The following TRMT44 variants were observed in gnomAD, a reference collection of about 807,000 sequenced individuals.
TRMT44 encodes tRNA methyltransferase 44 homolog.
Under a neutral mutation model 77.3 loss-of-function variants are expected in TRMT44, and 78 were observed. The observed-to-expected ratio is 1.01, with a 90% confidence interval of 0.84 to 1.22. The LOEUF (loss-of-function observed/expected upper bound fraction) is 1.22, where lower values mean the gene tolerates loss of function less well. Ranked by LOEUF, TRMT44 falls within the 50% of genes most tolerant of loss-of-function variation. The pLI, the probability that TRMT44 is intolerant of heterozygous loss-of-function variation, is 0.00. For synonymous variants in TRMT44, 391 were observed against 383.3 expected, an observed-to-expected ratio of 1.02 and a Z score of -0.23; for missense variants, 1,090 against 964.4, an observed-to-expected ratio of 1.13 and a Z score of -1.73.
chr4:8,459,978 G>C (rs1726048212), intron 6 of TRMT44, among the ~76,000 whole-genome samples: 1 of 152,164 alleles, frequency 6.6e-6, no homozygotes, highest in South Asian at 2.1e-4. Context: ...CAGACATCAA[G>C]ACACCCGGGG....
At chr4:8,490,440 G>A (rs796154072) in intron 2 of TRMT44, among the ~76,000 whole-genome samples, 40 of 152,050 alleles carry the variant, frequency 2.6e-4, no homozygotes, top group Non-Finnish European at 4.1e-4. Context: ...GACCTTCGCC[G>A]TGAGTGTTAC....
intron 2 of TRMT44, among the ~76,000 whole-genome samples, chr4:8,486,795 A>T (rs984409710): frequency 6.6e-5 from 10 of 152,192 alleles, no homozygotes; most frequent in African/African-American, 2.4e-4. Context: ...ACGGAATGAA[A>T]CTGTAAACCG....
chr4:8,455,061 GT>G, intron 6 of TRMT44: 1 of 551,068 alleles, frequency 1.8e-6, no homozygotes. Context: ...CCCTGAGTTT[GT>G]TGGTGCCGTT....
chr4:8,509,631 G>C, the TRMT44 span: 1 of 152,870 alleles, frequency 6.5e-6, no homozygotes, highest in Non-Finnish European at 1.5e-5. Context: ...CGCAGATGAG[G>C]AAACTGAGGC....
At chr4:8,454,394 A>C (rs1264800696) in intron 5 of TRMT44, 1 of 248,506 alleles carries the variant, frequency 4.0e-6, no homozygotes, top group African/African-American at 2.2e-5. Flanking sequence ...CACTTGAAAA[A>C]GGGCACTGTA....
At chr4:8,516,896 G>A in the TRMT44 span, among the ~76,000 whole-genome samples, 2 of 152,198 alleles carry the variant, frequency 1.3e-5, no homozygotes, top group African/African-American at 2.4e-5. Context: ...AATGATGTAC[G>A]GTTGTAACAA....
the TRMT44 span, among the ~76,000 whole-genome samples, chr4:8,513,822 C>A: frequency 1.3e-5 from 2 of 152,190 alleles, no homozygotes; most frequent in Non-Finnish European, 2.9e-5. Context: ...AGGATTGAGA[C>A]CACAATGCCA....
At chr4:8,486,720 C>T (rs1211331340) in intron 2 of TRMT44, among the ~76,000 whole-genome samples, 1 of 152,084 alleles carries the variant, frequency 6.6e-6, no homozygotes, top group Admixed American at 6.5e-5. Flanking sequence ...TTAACCTTGA[C>T]TATGCCTTTA....
chr4:8,498,842 G>T, the TRMT44 span, among the ~76,000 whole-genome samples: 3 of 152,284 alleles, frequency 2.0e-5, no homozygotes, highest in South Asian at 6.2e-4. This position sits in a 1 kb window ranked among gnomAD's most constrained non-coding sequence, Gnocchi z 4.3. Flanking sequence ...GGGGCAGGGG[G>T]CATGGGAGTG....
chr4:8,514,354 C>T, the TRMT44 span, among the ~76,000 whole-genome samples: 1 of 147,536 alleles, frequency 6.8e-6, no homozygotes, highest in Non-Finnish European at 1.5e-5. Context: ...TTCCCATATT[C>T]GAGCCCAGTG....
chr4:8,468,308 G>C lies in TRMT44; in HGVS notation c.1889G>C (p.Ser630Thr). The C allele has an allele frequency of 6.2e-7, 1 of 1,614,176 alleles. No individual in the cohort carries two copies. Among genetic ancestry groups the C allele is most frequent in the Non-Finnish European group, 8.5e-7 (1 of 1,180,044 alleles). Reference sequence around the variant, plus strand: ...GGTGGAAAGCAATTAAACACAAGAAGTTCTCGAAATGGGAGTTTGAAGACC... The same window carrying C: ...GGTGGAAAGCAATTAAACACAAGAACTTCTCGAAATGGGAGTTTGAAGACC... ...LLGGKQLNTR[S>T]SRNGSLKTWN... The change falls in exon 9 of 11, where the codon AGT (serine) becomes ACT (threonine). Residue 630 changes from serine to threonine, a missense_variant. Physicochemically the swap from Ser to Thr is moderately conservative, Grantham distance 58. Transcript: ENST00000389737.
downstream of TRMT44, chr4:8,476,916 A>G (rs764412930): frequency 5.9e-5 from 9 of 152,134 alleles, no homozygotes; most frequent in Non-Finnish European, 1.2e-4. Context: ...GCCAACTTTT[A>G]AAATTTTAGA....
downstream of TRMT44, among the ~76,000 whole-genome samples, chr4:8,497,792 A>G (rs34053441): frequency 0.12 from 18,492 of 152,152 alleles, 1,132 homozygotes; most frequent in African/African-American, 0.15. Context: ...CTAGTTCTCT[A>G]TTTCCCACAA....
In TRMT44 at chr4:8,468,322, A is replaced by T; in HGVS notation, c.1903A>T (p.Ser635Cys). Reference protein sequence around the residue: ...QLNTRSSRNGSLKTWNGGESL... With the variant: ...QLNTRSSRNGCLKTWNGGESL... ...AAACACAAGAAGTTCTCGAAATGGGAGTTTGAAGACCTGGAATGGGGGAGG... is the reference window on the plus strand; with the variant it reads ...AAACACAAGAAGTTCTCGAAATGGGTGTTTGAAGACCTGGAATGGGGGAGG... The change falls in exon 9 of 11, where the codon AGT becomes TGT. Residue 635 changes from serine (S) to cysteine (C), a missense_variant. Coordinates refer to ENST00000389737, the MANE Select transcript of TRMT44 (RefSeq NM_152544.3). 6.2e-7 allele frequency: 1 copy of T among 1,614,114 alleles called. No homozygotes were observed. Among genetic ancestry groups the T allele is most frequent in the African/African-American group, 1.3e-5 (1 of 75,044 alleles).
chr4:8,477,432 C>A (rs1296249309), downstream of TRMT44: 1 of 152,294 alleles, frequency 6.6e-6, no homozygotes, highest in Admixed American at 6.5e-5. Context: ...CCCTTTGGGG[C>A]AGGCCCCAGT....
At chr4:8,503,967 A>G in the TRMT44 span, among the ~76,000 whole-genome samples, 2 of 152,092 alleles carry the variant, frequency 1.3e-5, no homozygotes, top group Non-Finnish European at 2.9e-5. Flanking sequence ...CTCCCAAGCT[A>G]TGGGACAGAG....
At chr4:8,453,490 TAAGAG>T (rs1021604309) in intron 5 of TRMT44, 1 of 152,802 alleles carries the variant, frequency 6.5e-6, no homozygotes, top group Non-Finnish European at 1.5e-5. Flanking sequence ...GAAAAACAAA[TAAGAG>T]AAGCTTCAGT....
At chr4:8,442,120 A>G (rs1057301188) in intron 1 of TRMT44, among the ~76,000 whole-genome samples, 2 of 152,354 alleles carry the variant, frequency 1.3e-5, no homozygotes, top group South Asian at 2.1e-4. Flanking sequence ...CTCCTTGAAC[A>G]CAGTGTTTAT....
the TRMT44 span, among the ~76,000 whole-genome samples, chr4:8,515,460 G>A: frequency 6.6e-6 from 1 of 152,244 alleles, no homozygotes; most frequent in African/African-American, 2.4e-5. Flanking sequence ...CATTTCCTGA[G>A]CAGATGCTGC....
Sources: gnomAD v4.1 joint callset for allele counts (sites outside exome capture counted in the v4.1 genomes callset) on GRCh38, gnomAD v4.1.1 for gene constraint, Gnocchi (gnomAD v3.1) non-coding constraint, MANE v1.5 for transcripts, NCBI Gene and HGNC (gene_info 2026-07-23, HGNC 2026-07-21) for gene names.